Variants in SEC14L1 observed in about 807,000 individuals in gnomAD.
SEC14L1 encodes SEC14-like protein 1.
A neutral mutation model predicts 85.3 loss-of-function variants in SEC14L1; 48 were observed. The ratio of observed to expected loss-of-function variants is 0.56; its 90% CI spans 0.45 to 0.72. SEC14L1 has a LOEUF of 0.72. Among genes scored for constraint, SEC14L1 ranks in the 30% least tolerant of loss-of-function variants. The probability of loss-of-function intolerance (pLI) is 0.00; values close to 1 mark genes in which losing one functional copy is unlikely to be tolerated. For missense variants in SEC14L1, 682 were observed against 921.4 expected (o/e 0.74, Z 3.36); for synonymous variants, 391 against 355.5 (o/e 1.10, Z -1.12).
chr17:77,119,076 G>A (rs950879506), intron 3 of SEC14L1, among the ~76,000 whole-genome samples: 13 of 152,224 alleles, frequency 8.5e-5, no homozygotes, highest in East Asian at 3.9e-4. Context: ...TTGGGAGGCC[G>A]AGACGGGTGG....
chr17:77,158,798 C>CTTTTTTTTGTTTTTTTTTTTTTT (rs1973921797), intron 3 of SEC14L1, among the ~76,000 whole-genome samples: 1 of 39,188 alleles, frequency 2.6e-5, no homozygotes, highest in Non-Finnish European at 4.5e-5. Context: ...GCTTTCTTTC[C>CTTTTTTTTGTTTTTTTTTTTTTT]TTTTTTTTTT....
intron 3 of SEC14L1, among the ~76,000 whole-genome samples, chr17:77,183,656 G>C (rs1054684438): frequency 3.3e-5 from 5 of 152,154 alleles, no homozygotes; most frequent in African/African-American, 1.2e-4. Flanking sequence ...AAATAAAAAA[G>C]TGTTATTCAA....
intron 3 of SEC14L1, among the ~76,000 whole-genome samples, chr17:77,124,976 ATTATTATTATTATTATTATTATTT>A (rs1470859285): frequency 0.011 from 271 of 25,034 alleles, 1 homozygote; most frequent in African/African-American, 0.051. Flanking sequence ...TGGATTTACT[ATTATTATTATTATTATTATTATTT>A]TTATTATTAT....
chr17:77,103,280 T>C (rs1471195713), intron 3 of SEC14L1, among the ~76,000 whole-genome samples: 1 of 151,520 alleles, frequency 6.6e-6, no homozygotes, highest in Non-Finnish European at 1.5e-5. Context: ...GCCTGGCTAA[T>C]TTTTGTATTT....
rs78521769 is a variant in SEC14L1, at chr17:77,213,734, G to C, written c.2043-184G>C. The C allele has an allele frequency of 0.076, 67,016 of 879,458 alleles. 3,715 individuals carry two copies. The highest frequency in any genetic ancestry group is 0.28 in the East Asian group (10,731 of 38,040). 54.5% of individuals were successfully genotyped at this position (879,458 alleles called of 1,614,324 possible). On this transcript the variant is annotated intron_variant, in intron 16 of 16. Coordinates refer to ENST00000436233, the MANE Select transcript of SEC14L1 (RefSeq NM_001143998.2). This position sits in a 1 kb window ranked among gnomAD's most constrained non-coding sequence, Gnocchi z 7.1. ...TGCTTTAGCTCACACTGCCGTCTGC[G>C]TGCAGGCTGTGGGAAGCCGGTCCCC...
At chr17:77,112,594 G>C (rs951823437) in intron 3 of SEC14L1, among the ~76,000 whole-genome samples, 3 of 152,122 alleles carry the variant, frequency 2.0e-5, no homozygotes, top group Non-Finnish European at 4.4e-5. Flanking sequence ...GAATTGAAAA[G>C]TATTTAGGCG....
rs1976963048 is a variant in SEC14L1 at position 77,214,881 on chromosome 17, T to G, written c.*858T>G. The G allele has an allele frequency of 1.0e-5, 10 of 985,298 alleles. No homozygotes were observed. The South Asian group carries it at 4.2e-4, about 42-fold the overall frequency. 61.0% of individuals were successfully genotyped at this position (985,298 alleles called of 1,614,324 possible). A position where few individuals can be genotyped will look rare whatever the true frequency, so the allele number is the denominator to read the frequency against. The stretch of plus-strand genomic sequence containing the variant: ...TGTGCCCTCTGGTGGCTCATTGTCC[T>G]CAGAGCCCAGACAGTTCCAGCCACT... On this transcript the variant is annotated 3_prime_UTR_variant, in exon 17 of 17. Coordinates refer to ENST00000436233, the MANE Select transcript of SEC14L1 (RefSeq NM_001143998.2).
intron 3 of SEC14L1, among the ~76,000 whole-genome samples, chr17:77,155,877 GTCCACGTACCTCAT>G (rs1973791854): frequency 6.6e-6 from 1 of 152,126 alleles, no homozygotes; most frequent in Non-Finnish European, 1.5e-5. Flanking sequence ...ACTTCGCCCA[GTCCACGTACCTCAT>G]CTTTAAGATG....
chr17:77,096,297 A>C (rs117923803), intron 3 of SEC14L1, among the ~76,000 whole-genome samples: 3,186 of 150,116 alleles, frequency 0.021, 72 homozygotes, highest in Admixed American at 0.054. Flanking sequence ...TGGTGGCTCA[A>C]ACCTGTAATC....
At chr17:77,160,275 G>A (rs57241184) in intron 3 of SEC14L1, among the ~76,000 whole-genome samples, 2 of 152,320 alleles carry the variant, frequency 1.3e-5, no homozygotes, top group South Asian at 4.1e-4. Context: ...CTTTTCTGAA[G>A]TCCACAAATT....
In SEC14L1 at chr17:77,201,869, C is replaced by G. The variant is rs184356980; in HGVS notation, c.1009+1196C>G. ...AGACCAGGTCTAGAGCTAGACTCTCCTGGGAGATGAAGTTCACTAGGTGAC... is the reference window on the plus strand; with the variant it reads ...AGACCAGGTCTAGAGCTAGACTCTCGTGGGAGATGAAGTTCACTAGGTGAC... On this transcript the variant is annotated intron_variant, in intron 9 of 16. Transcript: ENST00000436233. 3.4e-3 allele frequency among the ~76,000 whole-genome samples: 514 copies of G among 152,292 alleles called. 6 individuals are homozygous for G. Among genetic ancestry groups the G allele is most frequent in the Non-Finnish European group, 3.6e-3 (245 of 68,024 alleles).
intron 2 of SEC14L1, among the ~76,000 whole-genome samples, chr17:77,091,727 G>A (rs932345488): frequency 1.3e-5 from 2 of 152,142 alleles, no homozygotes; most frequent in African/African-American, 4.8e-5. Context: ...CTCCCGTCTT[G>A]GCTGAAGGTT....
intron 5 of SEC14L1, among the ~76,000 whole-genome samples, chr17:77,192,002 G>A (rs375175590): frequency 1.5e-3 from 228 of 151,820 alleles, no homozygotes; most frequent in Non-Finnish European, 2.6e-3. Context: ...TCACCATGTT[G>A]GCCAGGCTGG....
In SEC14L1 at chr17:77,185,711, A is replaced by T. The variant is rs561732515; in HGVS notation, c.64-5092A>T. ...CAGTTTTTTTTGTTTTTGTTTTTTT[A>T]ATTAGAGTGCAGTGGAAGTCAGTTT... On this transcript the variant is annotated intron_variant, in intron 3 of 16. Transcript: ENST00000436233. Among the ~76,000 whole-genome samples the T allele has an allele frequency of 1.3e-4, 20 of 151,974 alleles. 1 individual carries two copies. In the South Asian group the frequency reaches 4.0e-3, roughly 30 times the overall value.
intron 3 of SEC14L1, among the ~76,000 whole-genome samples, chr17:77,180,046 TTGTTATGTTATGTTATGTTATGTTA>T (rs67421763): frequency 9.9e-5 from 12 of 121,102 alleles, no homozygotes; most frequent in African/African-American, 2.9e-4. Context: ...ATGTTTTGTT[TTGTTATGTTATGTTATGTTATGTTA>T]TGTTATGTTA....
At chr17:77,141,499 C>T (rs1337069118) in intron 1 of SEC14L1, 1 of 151,560 alleles carries the variant, frequency 6.6e-6, no homozygotes, top group East Asian at 1.9e-4. Flanking sequence ...TGAGCAGCCC[C>T]GGGCGCCGGC....
At chr17:77,194,539 G>T in intron 6 of SEC14L1, 138 bp from the exon 7 acceptor site, 1 of 659,456 alleles carries the variant, frequency 1.5e-6, no homozygotes, top group Non-Finnish European at 2.6e-6. Flanking sequence ...GCCACAAAGC[G>T]AGACCCTGTC....
intron 3 of SEC14L1, among the ~76,000 whole-genome samples, chr17:77,188,418 T>A (rs2143780503): frequency 6.6e-6 from 1 of 152,218 alleles, no homozygotes; most frequent in East Asian, 1.9e-4. Context: ...GAGGCTTTTT[T>A]TTTTTTTTAG....
intron 3 of SEC14L1, among the ~76,000 whole-genome samples, chr17:77,166,507 A>G (rs1407612313): frequency 6.6e-6 from 1 of 152,066 alleles, no homozygotes; most frequent in Non-Finnish European, 1.5e-5. Context: ...CTGTTTTCTC[A>G]TTTTAAAATG....
Sources: allele counts gnomAD v4.1 joint callset (sites outside exome capture counted in the v4.1 genomes callset), GRCh38; gene constraint gnomAD v4.1.1; non-coding constraint Gnocchi (gnomAD v3.1); transcripts MANE v1.5; gene names NCBI Gene and HGNC (gene_info 2026-07-23, HGNC 2026-07-21).